The following DCC variants were observed in gnomAD, a reference collection of about 807,000 sequenced individuals.
The protein encoded by DCC is netrin receptor DCC.
A neutral mutation model predicts 172.5 loss-of-function variants in DCC; 58 were observed. The observed-to-expected ratio is 0.34, with a 90% CI of 0.27 to 0.42. The LOEUF (loss-of-function observed/expected upper bound fraction) is 0.42. Among genes scored for constraint, DCC ranks in the 10% least tolerant of loss-of-function variants. The pLI is 1.00. For missense variants in DCC, 1,740 were observed against 1,791.0 expected (o/e 0.97, Z 0.51); for synonymous variants, 709 against 644.5 (o/e 1.10, Z -1.52).
chr18:53,338,595 C>T (rs1023958127), intron 14 of DCC, among the ~76,000 whole-genome samples: 4 of 152,020 alleles, frequency 2.6e-5, no homozygotes, highest in East Asian at 1.9e-4. Flanking sequence ...AGTGAGACTC[C>T]GTCTCAACAA....
rs1256615345 is a variant in DCC, at chr18:53,531,378, C to T, written c.*725C>T. 1 of 155,504 alleles carries T rather than the reference C, an allele frequency of 6.4e-6. No homozygotes were observed. Among genetic ancestry groups the T allele is most frequent in the Non-Finnish European group, 1.4e-5 (1 of 69,868 alleles). 9.6% of individuals were successfully genotyped at this position (155,504 alleles called of 1,614,324 possible). A position where few individuals can be genotyped will look rare whatever the true frequency, so the allele number is the denominator to read the frequency against. ...TAGTGGCATTCTGCCAGCAGCAGTA[C>T]ATTTCTGGAAAGAGGATATAATATG... On this transcript the variant is annotated 3_prime_UTR_variant, in exon 29 of 29. Coordinates refer to ENST00000442544, the MANE Select transcript of DCC (RefSeq NM_005215.4).
chr18:53,149,637 T>C (rs1053509555), intron 7 of DCC, among the ~76,000 whole-genome samples: 3 of 152,234 alleles, frequency 2.0e-5, no homozygotes, highest in Non-Finnish European at 2.9e-5. Context: ...GCATATGATA[T>C]ATGTTTTTAC....
chr18:52,677,697 G>A (rs1370391629), intron 1 of DCC, among the ~76,000 whole-genome samples: 1 of 151,948 alleles, frequency 6.6e-6, no homozygotes, highest in East Asian at 1.9e-4. Flanking sequence ...TTTTTTTCCT[G>A]TTTCTTGCAT....
intron 18 of DCC, among the ~76,000 whole-genome samples, chr18:53,397,803 G>A (rs1909049611): frequency 6.6e-6 from 1 of 152,022 alleles, no homozygotes; most frequent in Non-Finnish European, 1.5e-5. Flanking sequence ...GTCATGGTAG[G>A]TATTTCTCAT....
intron 12 of DCC, among the ~76,000 whole-genome samples, chr18:53,226,866 C>T (rs932816887): frequency 6.8e-6 from 1 of 146,244 alleles, no homozygotes; most frequent in Non-Finnish European, 1.5e-5. Flanking sequence ...AAAACTAAAC[C>T]AAATATATAT....
intron 2 of DCC, among the ~76,000 whole-genome samples, chr18:52,874,879 C>G (rs2039378017): frequency 6.6e-6 from 1 of 151,972 alleles, no homozygotes; most frequent in African/African-American, 2.4e-5. Context: ...AGTCTAGAGC[C>G]TTTACTGGTG....
intron 5 of DCC, among the ~76,000 whole-genome samples, chr18:52,999,127 G>A (rs1240480241): frequency 6.6e-6 from 1 of 151,970 alleles, no homozygotes; most frequent in East Asian, 1.9e-4. Context: ...AACCACTTCT[G>A]CTTTGTGCAG....
At chr18:53,068,881 A>G (rs1317184720) in intron 7 of DCC, among the ~76,000 whole-genome samples, 1 of 151,836 alleles carries the variant, frequency 6.6e-6, no homozygotes, top group Non-Finnish European at 1.5e-5. Context: ...CATGGTCTAT[A>G]CAAACCTGCC....
chr18:53,346,633 AT>A (rs1270910127), intron 15 of DCC, among the ~76,000 whole-genome samples: 1 of 151,798 alleles, frequency 6.6e-6, no homozygotes, highest in African/African-American at 2.4e-5. Context: ...TACAATCTCC[AT>A]TTTTTTCTAC....
intron 5 of DCC, among the ~76,000 whole-genome samples, chr18:52,983,770 G>C (rs2041249346): frequency 6.6e-6 from 1 of 152,092 alleles, no homozygotes; most frequent in African/African-American, 2.4e-5. Context: ...TATAGAGATG[G>C]GCTGCAGAAA....
At chr18:52,908,725 T>C (rs2145453555) in intron 3 of DCC, among the ~76,000 whole-genome samples, 1 of 152,344 alleles carries the variant, frequency 6.6e-6, no homozygotes, top group South Asian at 2.1e-4. Flanking sequence ...AATTTTGTTT[T>C]CTTAATTTGC....
At chr18:53,439,027 T>G (rs1912111872) in intron 22 of DCC, among the ~76,000 whole-genome samples, 1 of 152,246 alleles carries the variant, frequency 6.6e-6, no homozygotes, top group South Asian at 2.1e-4. Context: ...ATAACGTATC[T>G]GAAATATTTC....
At chr18:52,610,174 AAAAAATATATATATATATATATATATAT>A (rs2034237062) in intron 1 of DCC, among the ~76,000 whole-genome samples, 2 of 15,662 alleles carry the variant, frequency 1.3e-4, no homozygotes, top group African/African-American at 2.8e-4. Flanking sequence ...AAAAAAAAAA[AAAAAATATATATATATATATATATATAT>A]ATATATATAT....
intron 6 of DCC, among the ~76,000 whole-genome samples, chr18:53,063,789 T>TTC (rs2144082202): frequency 6.6e-6 from 1 of 152,328 alleles, no homozygotes; most frequent in East Asian, 1.9e-4. Flanking sequence ...TAGAACCTAG[T>TTC]TCTAGACTTA....
At chr18:53,207,632 C>A in intron 10 of DCC, 47 bp from the exon 11 acceptor site, 1 of 1,576,046 alleles carries the variant, frequency 6.3e-7, no homozygotes, top group Non-Finnish European at 8.7e-7. Flanking sequence ...GCCATTTCTA[C>A]TTTAATGTGC....
chr18:53,259,525 G>T (rs2056567105), intron 12 of DCC, among the ~76,000 whole-genome samples: 1 of 152,302 alleles, frequency 6.6e-6, no homozygotes, highest in Non-Finnish European at 1.5e-5. Context: ...CTTTAAGAAT[G>T]TTGAATATTG....
At chr18:52,515,757 T>C (rs148002976) in intron 1 of DCC, among the ~76,000 whole-genome samples, 1 of 149,944 alleles carries the variant, frequency 6.7e-6, no homozygotes, top group East Asian at 2.0e-4. Context: ...CTGGGTAACA[T>C]CAAAATTAAA....
At chr18:53,520,101 T>A (rs575056049) in intron 27 of DCC, among the ~76,000 whole-genome samples, 30 of 152,140 alleles carry the variant, frequency 2.0e-4, no homozygotes, top group African/African-American at 6.7e-4. Context: ...CTGAAAGCAG[T>A]GTAGAAAAAA....
At chr18:53,328,471 C>T (rs1020643461) in intron 14 of DCC, among the ~76,000 whole-genome samples, 6 of 149,728 alleles carry the variant, frequency 4.0e-5, no homozygotes, top group African/African-American at 1.2e-4. Flanking sequence ...GTGTGTTGTT[C>T]TTCTGATTTT....
Sources: allele counts gnomAD v4.1 joint callset (sites outside exome capture counted in the v4.1 genomes callset), GRCh38; gene constraint gnomAD v4.1.1; transcripts MANE v1.5; gene names NCBI Gene and HGNC (gene_info 2026-07-23, HGNC 2026-07-21).